FBXO7: variants seen among roughly 807,000 people sequenced by gnomAD.
FBXO7 encodes F-box only protein 7.
FBXO7 carries 31 observed loss-of-function variants against 50.2 expected under a neutral mutation model. The ratio of observed to expected loss-of-function variants is 0.62; its 90% CI spans 0.46 to 0.83. FBXO7 has a LOEUF of 0.83. Ranked by LOEUF, FBXO7 falls within the 40% of genes least tolerant of loss-of-function variation. FBXO7 has a pLI of 0.00. For missense variants in FBXO7, 667 were observed against 646.6 expected (o/e 1.03, Z -0.34); for synonymous variants, 256 against 253.1 (o/e 1.01, Z -0.11).
At chr22:32,492,394 C>T (rs1191059782) in intron 6 of FBXO7, 1 of 152,170 alleles carries the variant, frequency 6.6e-6, no homozygotes, top group Admixed American at 6.6e-5. Flanking sequence ...AGAATAGTAT[C>T]ACAAATATTT....
At chr22:32,493,949 G>A (rs1390645391) in intron 7 of FBXO7, among the ~76,000 whole-genome samples, 1 of 151,572 alleles carries the variant, frequency 6.6e-6, no homozygotes, top group East Asian at 1.9e-4. Context: ...TAAAATAGGA[G>A]TAAACTTCTA....
intron 1 of FBXO7, 69 bp from the exon 2 acceptor site, chr22:32,478,912 C>A: frequency 7.3e-7 from 1 of 1,371,992 alleles, no homozygotes; most frequent in Non-Finnish European, 1.0e-6. Context: ...CTTATGTATG[C>A]TTCAGATGTG....
intron 2 of FBXO7, among the ~76,000 whole-genome samples, chr22:32,481,258 CAT>C (rs1204137606): frequency 6.6e-6 from 1 of 152,144 alleles, no homozygotes; most frequent in African/African-American, 2.4e-5. Context: ...GTTTCTGCCT[CAT>C]AGAGGTAAAC....
intron 1 of FBXO7, among the ~76,000 whole-genome samples, chr22:32,476,685 G>A (rs2145985959): frequency 1.3e-5 from 2 of 152,122 alleles, no homozygotes; most frequent in African/African-American, 4.8e-5. Context: ...TTTTGTTTTT[G>A]TTTTTTAAGA....
At position 32,479,239 on chromosome 22, in the gene FBXO7, G is replaced by A; in HGVS notation, c.381G>A (p.Gln127=). The A allele has an allele frequency of 6.2e-7, 1 of 1,614,130 alleles. No homozygotes were observed. The highest frequency in any genetic ancestry group is 8.5e-7 in the Non-Finnish European group (1 of 1,180,020). ...DEQPSDSFQG[Q]AAQSGVWNDD... Reference sequence around the variant, plus strand: ...AACCAAGTGATTCATTCCAAGGACAGGCAGCCCAGTCTGGTGTTTGGAATG... The same window carrying A: ...AACCAAGTGATTCATTCCAAGGACAAGCAGCCCAGTCTGGTGTTTGGAATG... The change falls in exon 2 of 9, where the codon CAG becomes CAA. Residue 127 remains glutamine, a synonymous_variant. Transcript: ENST00000266087.
At chr22:32,488,730 A>G (rs912035367) in intron 5 of FBXO7, 14 of 152,312 alleles carry the variant, frequency 9.2e-5, no homozygotes, top group African/African-American at 3.1e-4. Flanking sequence ...TACTAACTAA[A>G]ACTGACAGGA....
At chr22:32,482,057 A>G (rs1003385066) in intron 2 of FBXO7, among the ~76,000 whole-genome samples, 1 of 152,004 alleles carries the variant, frequency 6.6e-6, no homozygotes, top group African/African-American at 2.4e-5. Flanking sequence ...ATTTTTCCTC[A>G]TATATTCTGT....
At position 32,495,548 on chromosome 22, in the gene FBXO7, T is replaced by G. The variant is rs201875880; in HGVS notation, c.1182+18T>G. On this transcript the variant is annotated intron_variant, in intron 8 of 8. Transcript: ENST00000266087. ...GGAAAGAAGTAGGTATTTTTAAATA[T>G]TAAGACTAATGTCCATAACACAGAA... 2.3e-4 allele frequency: 329 copies of G among 1,438,350 alleles called. 2 individuals are homozygous for G. The highest frequency in any genetic ancestry group is 2.1e-3 in the Middle Eastern group (12 of 5,638). 89.1% of individuals were successfully genotyped at this position (1,438,350 alleles called of 1,614,324 possible).
chr22:32,477,140 G>C (rs2142718), intron 1 of FBXO7, among the ~76,000 whole-genome samples: 98,416 of 152,074 alleles, frequency 0.65, 32,201 homozygotes, highest in African/African-American at 0.74. Context: ...ATTTTGAAAA[G>C]AGAAGCAGGG....
chr22:32,478,593 G>A (rs190954203), intron 1 of FBXO7, among the ~76,000 whole-genome samples: 226 of 152,278 alleles, frequency 1.5e-3, no homozygotes, highest in African/African-American at 5.2e-3. Context: ...GGTAATGCGT[G>A]CCTATAGTCC....
Position 32,484,046 on chromosome 22 carries a change from A to G in FBXO7, c.567A>G (p.Ser189=), listed in dbSNP as rs1270355465. ...VPHSLETLYQ[S]ADCSDANDAL... ...ATTCATTAGAGACCTTGTATCAATCAGCTGACTGTTCTGATGCCAATGATG... is the reference window on the plus strand; with the variant it reads ...ATTCATTAGAGACCTTGTATCAATCGGCTGACTGTTCTGATGCCAATGATG... Residue 189 remains serine (S), a synonymous_variant, in exon 3 of 9, where the codon TCA becomes TCG. Transcript: ENST00000266087. 1.2e-6 allele frequency: 2 copies of G among 1,614,220 alleles called. No individual in the cohort carries two copies. Among genetic ancestry groups the G allele is most frequent in the Non-Finnish European group, 1.7e-6 (2 of 1,180,028 alleles).
In FBXO7 at chr22:32,480,424, G is replaced by A. The variant is rs147336572; in HGVS notation, c.417+1149G>A. On this transcript the variant is annotated intron_variant, in intron 2 of 8. Coordinates refer to ENST00000266087, the MANE Select transcript of FBXO7 (RefSeq NM_012179.4). ...CAGAACAGACCCATCATTTTCCCCC[G>A]CCCCCACCAACCAGCACATTCACCT... 2.8e-3 allele frequency among the ~76,000 whole-genome samples: 394 copies of A among 140,580 alleles called. 2 individuals carry two copies. Among genetic ancestry groups the A allele is most frequent in the African/African-American group, 0.01 (381 of 37,216 alleles). The allele number at this position is 140,580 out of a possible 152,430, so 92.2% of individuals were successfully genotyped here.
chr22:32,491,092 A>C lies in FBXO7; in HGVS notation c.878A>C (p.Asn293Thr). The change falls in exon 6 of 9, where the codon AAT becomes ACT. Residue 293 changes from asparagine to threonine, a missense_variant. Physicochemically the swap from Asn to Thr is moderately conservative, Grantham distance 65. Transcript: ENST00000266087. ...ACTTTAAAAAATATTCTAGGGGAAA[A>C]TGTAGCCAACATATACAAAGATCTT... is the stretch of plus-strand genomic sequence containing the variant. ...SFICKEKLGE[N>T]VANIYKDLQK... 1 of 1,611,718 alleles carries C rather than the reference A, an allele frequency of 6.2e-7. No homozygotes were observed.
chr22:32,487,635 A>C, intron 4 of FBXO7, 110 bp from the exon 5 acceptor site: 1 of 721,296 alleles, frequency 1.4e-6, no homozygotes, highest in Admixed American at 2.2e-5. Flanking sequence ...TGTTTTGTAT[A>C]ATGTGTCCTT....
Position 32,498,713 on chromosome 22 carries a change from G to C in FBXO7, c.*183G>C, listed in dbSNP as rs1029844005. On this transcript the variant is annotated 3_prime_UTR_variant, in exon 9 of 9. Transcript: ENST00000266087. ...GGTGGTATGACCCAAAGGTTCCTCT[G>C]TGACAAGGTTGGCCTTGGGAATAGT... 1 of 696,618 alleles carries C rather than the reference G, an allele frequency of 1.4e-6. No individual in the cohort carries two copies. The highest frequency in any genetic ancestry group is 1.9e-5 in the South Asian group (1 of 52,914). 43.2% of individuals were successfully genotyped at this position (696,618 alleles called of 1,614,324 possible). A position where few individuals can be genotyped will look rare whatever the true frequency, so the allele number is the denominator to read the frequency against.
chr22:32,481,705 C>G (rs2057465752), intron 2 of FBXO7, among the ~76,000 whole-genome samples: 3 of 152,146 alleles, frequency 2.0e-5, no homozygotes, highest in Admixed American at 2.0e-4. Flanking sequence ...AATTAAATAT[C>G]AGTTTTCTTA....
chr22:32,491,240 A>C, intron 6 of FBXO7, 59 bp downstream of exon 6: 44 of 1,234,518 alleles, frequency 3.6e-5, no homozygotes, highest in Non-Finnish European at 5.0e-5. Context: ...AGTATACTTA[A>C]TATTCTTGGT....
intron 1 of FBXO7, among the ~76,000 whole-genome samples, chr22:32,476,606 G>A (rs5754109): frequency 0.33 from 50,033 of 152,046 alleles, 8,693 homozygotes; most frequent in East Asian, 0.61. Context: ...ATATGTCCAT[G>A]TGATATTATT....
At chr22:32,479,631 G>A (rs879399281) in intron 2 of FBXO7, among the ~76,000 whole-genome samples, 4 of 152,026 alleles carry the variant, frequency 2.6e-5, no homozygotes, top group Non-Finnish European at 4.4e-5. Flanking sequence ...TCTTGACCTC[G>A]TGATCTGCCC....
Sources: allele counts gnomAD v4.1 joint callset (sites outside exome capture counted in the v4.1 genomes callset), GRCh38; gene constraint gnomAD v4.1.1; transcripts MANE v1.5; gene names NCBI Gene and HGNC (gene_info 2026-07-23, HGNC 2026-07-21).